Variants in ST6GALNAC3 observed in about 807,000 individuals in gnomAD.
ST6GALNAC3 encodes the protein ST6 N-acetylgalactosaminide alpha-2,6-sialyltransferase 3.
ST6GALNAC3 carries 25 observed loss-of-function variants against 32.7 expected under a neutral mutation model. The observed-to-expected ratio is 0.76, with a 90% CI of 0.56 to 1.07. ST6GALNAC3 has a LOEUF of 1.07. ST6GALNAC3 is among the 50% of genes least tolerant of loss of function. The pLI, the probability that ST6GALNAC3 is intolerant of heterozygous loss-of-function variation, is 0.00. For missense variants in ST6GALNAC3, 355 were observed against 382.4 expected, an observed-to-expected ratio of 0.93 and a Z score of 0.60; for synonymous variants, 129 against 133.1, an observed-to-expected ratio of 0.97 and a Z score of 0.21.
Position 76,522,085 on chromosome 1 carries a change from T to TAA in ST6GALNAC3, c.624-105350_624-105349dup, listed in dbSNP as rs55954462. Among the ~76,000 whole-genome samples the TAA allele has an allele frequency of 3.6e-3, 503 of 140,706 alleles. 3 individuals are homozygous for TAA. The highest frequency in any genetic ancestry group is 0.013 in the African/African-American group (475 of 37,906). The allele number at this position is 140,706 out of a possible 152,430, so 92.3% of individuals were successfully genotyped here. A position where few individuals can be genotyped will look rare whatever the true frequency, so the allele number is the denominator to read the frequency against. On this transcript the variant is annotated intron_variant, in intron 3 of 4. Coordinates refer to ENST00000328299, the MANE Select transcript of ST6GALNAC3 (RefSeq NM_152996.4). ...GGGTGACAGAGTGAGACTCCATTTC[T>TAA]AAAAAAAAAAAAAAAAAACACCATT...
At chr1:76,501,597 C>G (rs1461243937) in intron 3 of ST6GALNAC3, among the ~76,000 whole-genome samples, 1 of 152,160 alleles carries the variant, frequency 6.6e-6, no homozygotes, top group Non-Finnish European at 1.5e-5. Context: ...AATAAGGAAG[C>G]TAACTGCAGT....
chr1:76,207,374 C>T (rs146834866), intron 1 of ST6GALNAC3, among the ~76,000 whole-genome samples: 72 of 152,326 alleles, frequency 4.7e-4, no homozygotes, highest in Admixed American at 1.4e-3. Flanking sequence ...CCTATATAGG[C>T]TTTAGTGCCA....
chr1:76,590,555 C>T lies in ST6GALNAC3; in HGVS notation c.624-36897C>T, dbSNP rs556305375. Among the ~76,000 whole-genome samples, 4 of 152,312 alleles carry T rather than the reference C, an allele frequency of 2.6e-5. No individual in the cohort carries two copies. In the East Asian group the frequency reaches 5.8e-4, roughly 22 times the overall value. On this transcript the variant is annotated intron_variant, in intron 3 of 4. Transcript: ENST00000328299. ...CTGCTAATACTGACTTACTTCCAAT[C>T]AGAGCTGAGAGAGCAAACAAAGACA...
chr1:76,585,540 T>C (rs1349464352), intron 3 of ST6GALNAC3, among the ~76,000 whole-genome samples: 1 of 152,084 alleles, frequency 6.6e-6, no homozygotes, highest in Non-Finnish European at 1.5e-5. Flanking sequence ...CTCCAAGGCA[T>C]AGTTGGACAC....
At chr1:76,544,512 T>C (rs1664174654) in intron 3 of ST6GALNAC3, among the ~76,000 whole-genome samples, 1 of 152,080 alleles carries the variant, frequency 6.6e-6, no homozygotes, top group South Asian at 2.1e-4. Flanking sequence ...CTCTGACAAA[T>C]GAAGAGAGAA....
intron 1 of ST6GALNAC3, among the ~76,000 whole-genome samples, chr1:76,111,409 G>A (rs1401705769): frequency 6.6e-6 from 1 of 151,478 alleles, no homozygotes; most frequent in East Asian, 1.9e-4. Context: ...GGCTGGTCAG[G>A]TGGGAGGTTC....
At chr1:76,366,650 T>A (rs1179475771) in intron 2 of ST6GALNAC3, among the ~76,000 whole-genome samples, 1 of 152,148 alleles carries the variant, frequency 6.6e-6, no homozygotes, top group Non-Finnish European at 1.5e-5. Flanking sequence ...ATATCGTAAC[T>A]TGAAATCAAT....
chr1:76,598,241 G>A (rs756768021), intron 3 of ST6GALNAC3, among the ~76,000 whole-genome samples: 19 of 152,046 alleles, frequency 1.2e-4, no homozygotes, highest in African/African-American at 3.1e-4. Context: ...ACACCATCAC[G>A]ACAACATATG....
chr1:76,518,307 A>T (rs1477674307), intron 3 of ST6GALNAC3, among the ~76,000 whole-genome samples: 4 of 152,026 alleles, frequency 2.6e-5, no homozygotes, highest in Non-Finnish European at 5.9e-5. Context: ...TGTCATTTTC[A>T]TGTAATTATG....
rs975997728 is a variant in ST6GALNAC3 at position 76,176,177 on chromosome 1, G to A, written c.18+101293G>A. 3.0e-4 allele frequency among the ~76,000 whole-genome samples: 45 copies of A among 152,154 alleles called. 1 individual carries two copies. The highest frequency in any genetic ancestry group is 7.3e-5 in the Non-Finnish European group (5 of 68,028). ...GAACTAATGACTCAGAACTGAGAAA[G>A]ACTGACACAGAGCTTCATCTTCTGC... On this transcript the variant is annotated intron_variant, in intron 1 of 4. Coordinates refer to ENST00000328299, the MANE Select transcript of ST6GALNAC3 (RefSeq NM_152996.4).
intron 1 of ST6GALNAC3, among the ~76,000 whole-genome samples, chr1:76,271,953 CCA>C (rs2100757662): frequency 6.6e-6 from 1 of 152,124 alleles, no homozygotes; most frequent in Admixed American, 6.5e-5. Flanking sequence ...CCTTCCGAGG[CCA>C]AGTAGGTAGC....
At chr1:76,125,850 A>C (rs1649204696) in intron 1 of ST6GALNAC3, among the ~76,000 whole-genome samples, 1 of 152,160 alleles carries the variant, frequency 6.6e-6, no homozygotes, top group Non-Finnish European at 1.5e-5. Context: ...ATTTATGTTC[A>C]TGCTAAAGTC....
rs181610129 is a variant in ST6GALNAC3, at chr1:76,466,455, T to C, written c.623+54038T>C. 1.5e-3 allele frequency among the ~76,000 whole-genome samples: 233 copies of C among 152,212 alleles called. 1 individual carries two copies. The highest frequency in any genetic ancestry group is 5.5e-3 in the African/African-American group (227 of 41,560). On this transcript the variant is annotated intron_variant, in intron 3 of 4. Coordinates refer to ENST00000328299, the MANE Select transcript of ST6GALNAC3 (RefSeq NM_152996.4). ...GATTAAAAACCATGAGCAATTGCCA[T>C]TTTACATCTGTCAAATTAGAAAGCA...
intron 1 of ST6GALNAC3, among the ~76,000 whole-genome samples, chr1:76,310,735 G>A (rs1341754394): frequency 1.3e-5 from 2 of 152,206 alleles, no homozygotes; most frequent in Non-Finnish European, 2.9e-5. Context: ...TTCACAGAAA[G>A]TTATGTGGCT....
intron 2 of ST6GALNAC3, among the ~76,000 whole-genome samples, chr1:76,341,259 T>C (rs969629367): frequency 6.6e-6 from 1 of 151,880 alleles, no homozygotes; most frequent in African/African-American, 2.4e-5. Flanking sequence ...TCTTTGTGTG[T>C]GTGTGGACCC....
chr1:76,419,880 A>G (rs770061699), intron 3 of ST6GALNAC3, among the ~76,000 whole-genome samples: 20 of 150,702 alleles, frequency 1.3e-4, no homozygotes, highest in Non-Finnish European at 1.9e-4. Flanking sequence ...ACTGACCTAC[A>G]TGGACTCCTC....
At chr1:76,547,861 CAAAA>C (rs34464699) in intron 3 of ST6GALNAC3, among the ~76,000 whole-genome samples, 8 of 123,356 alleles carry the variant, frequency 6.5e-5, no homozygotes, top group African/African-American at 6.4e-5. Flanking sequence ...GATTCTGTCT[CAAAA>C]AAAAAAAAAA....
intron 1 of ST6GALNAC3, among the ~76,000 whole-genome samples, chr1:76,215,769 C>G (rs1008500283): frequency 1.1e-4 from 17 of 152,202 alleles, no homozygotes; most frequent in African/African-American, 4.1e-4. Flanking sequence ...TTGAACATTG[C>G]CTGCTTGGTC....
chr1:76,584,340 C>T (rs988928267), intron 3 of ST6GALNAC3, among the ~76,000 whole-genome samples: 9 of 152,120 alleles, frequency 5.9e-5, no homozygotes, highest in African/African-American at 1.7e-4. Context: ...TCAGAATAAA[C>T]GCTGAATGAA....
Sources: gnomAD v4.1 joint callset for allele counts (sites outside exome capture counted in the v4.1 genomes callset) on GRCh38, gnomAD v4.1.1 for gene constraint, MANE v1.5 for transcripts, NCBI Gene and HGNC (gene_info 2026-07-23, HGNC 2026-07-21) for gene names.